Variants in INSL6 observed in about 807,000 individuals in gnomAD.
INSL6 encodes the protein insulin like 6.
In INSL6, 16 loss-of-function variants were observed where a neutral mutation model predicts 9.4. That is an observed-to-expected ratio of 1.70 (90% CI 1.15 to 2.59). INSL6 has a LOEUF of 2.59. Among genes scored for constraint, INSL6 ranks in the 30% most tolerant of loss-of-function variants. The pLI is 0.00. For missense variants in INSL6, 391 were observed against 257.3 expected, an observed-to-expected ratio of 1.52 and a Z score of -3.56; for synonymous variants, 154 against 96.9, an observed-to-expected ratio of 1.59 and a Z score of -3.46.
chr9:5,038,306 T>C, the INSL6 span, among the ~76,000 whole-genome samples: 1 of 152,174 alleles, frequency 6.6e-6, no homozygotes, highest in African/African-American at 2.4e-5. Context: ...TAGCAATTTT[T>C]ATAAAAGCCC....
chr9:5,146,474 T>C (rs1232659628), intron 2 of INSL6, among the ~76,000 whole-genome samples: 1 of 152,000 alleles, frequency 6.6e-6, no homozygotes, highest in Non-Finnish European at 1.5e-5. Context: ...GGAAGTAGTG[T>C]TGGTTTGGGG....
At chr9:5,038,998 G>A in the INSL6 span, among the ~76,000 whole-genome samples, 3 of 152,036 alleles carry the variant, frequency 2.0e-5, no homozygotes, top group Non-Finnish European at 4.4e-5. Flanking sequence ...GAATGGCAAG[G>A]AACTTCCTCA....
the INSL6 span, among the ~76,000 whole-genome samples, chr9:5,042,987 G>A: frequency 0.28 from 41,994 of 152,116 alleles, 6,314 homozygotes; most frequent in African/African-American, 0.39. Context: ...AGAAGCTGAG[G>A]GGGGTGGGCC....
chr9:5,123,453 C>A (rs1283470281), downstream of INSL6, among the ~76,000 whole-genome samples: 1 of 151,920 alleles, frequency 6.6e-6, no homozygotes, highest in East Asian at 1.9e-4. Context: ...TAATTACCTC[C>A]ATCCATGTTG....
intron 2 of INSL6, among the ~76,000 whole-genome samples, chr9:5,138,737 A>AAT (rs1554688845): frequency 2.6e-5 from 4 of 151,670 alleles, no homozygotes; most frequent in African/African-American, 9.7e-5. Context: ...TAATAAAAAA[A>AAT]AATAATAAAA....
intron 1 of INSL6, among the ~76,000 whole-genome samples, chr9:5,179,959 G>A (rs371194703): frequency 2.6e-5 from 4 of 152,156 alleles, no homozygotes; most frequent in African/African-American, 9.7e-5. Context: ...ATTTATCTAT[G>A]TAACAAACCT....
the INSL6 span, among the ~76,000 whole-genome samples, chr9:5,019,072 GCTT>G: frequency 6.6e-6 from 1 of 152,088 alleles, no homozygotes; most frequent in African/African-American, 2.4e-5. Context: ...GGATCTCTGA[GCTT>G]CTGTATCTGA....
the INSL6 span, among the ~76,000 whole-genome samples, chr9:5,028,298 G>A: frequency 7.9e-5 from 12 of 152,184 alleles, no homozygotes; most frequent in African/African-American, 2.2e-4. Context: ...ACTTGGACAG[G>A]AATCTTTTTT....
At chr9:5,184,519 C>G (rs562367832) in intron 1 of INSL6, among the ~76,000 whole-genome samples, 1 of 152,146 alleles carries the variant, frequency 6.6e-6, no homozygotes, top group African/African-American at 2.4e-5. Flanking sequence ...TAAACACATG[C>G]GATGTGCTAG....
intron 2 of INSL6, among the ~76,000 whole-genome samples, chr9:5,147,432 C>A: frequency 6.6e-6 from 1 of 152,180 alleles, no homozygotes; most frequent in Non-Finnish European, 1.5e-5. Context: ...TGGCAGAGAA[C>A]TTTCAGTTGC....
the INSL6 span, among the ~76,000 whole-genome samples, chr9:5,048,213 C>T: frequency 0.24 from 35,912 of 151,890 alleles, 4,620 homozygotes; most frequent in South Asian, 0.31. Context: ...GTGATCTCGG[C>T]TCACTGCAAC....
chr9:5,057,628 G>C, the INSL6 span, among the ~76,000 whole-genome samples: 6 of 144,200 alleles, frequency 4.2e-5, no homozygotes, highest in African/African-American at 1.6e-4. Flanking sequence ...TGTCATCCAG[G>C]CTGGAGCACA....
At chr9:5,051,847 T>C in the INSL6 span, among the ~76,000 whole-genome samples, 1 of 152,160 alleles carries the variant, frequency 6.6e-6, no homozygotes, top group African/African-American at 2.4e-5. Flanking sequence ...TGTATTTCTC[T>C]CTTTGGTTTT....
the INSL6 span, among the ~76,000 whole-genome samples, chr9:5,095,442 G>GTA: frequency 6.6e-6 from 1 of 152,064 alleles, no homozygotes; most frequent in Non-Finnish European, 1.5e-5. Context: ...TTCTCATGAT[G>GTA]GGTATCCTTT....
the INSL6 span, among the ~76,000 whole-genome samples, chr9:5,010,135 T>A: frequency 6.6e-6 from 1 of 152,208 alleles, no homozygotes. Flanking sequence ...CTACTTTTGA[T>A]CTTCCTGGAA....
the INSL6 span, among the ~76,000 whole-genome samples, chr9:5,046,063 A>G: frequency 6.6e-6 from 1 of 152,166 alleles, no homozygotes; most frequent in Non-Finnish European, 1.5e-5. Context: ...TTGTTTGATA[A>G]TAGCCATCTC....
chr9:5,151,672 T>C (rs775697914), intron 2 of INSL6, among the ~76,000 whole-genome samples: 5 of 151,644 alleles, frequency 3.3e-5, no homozygotes, highest in South Asian at 2.1e-4. Flanking sequence ...AAATAACCAA[T>C]AGGAGAAACA....
At chr9:5,162,217 A>T (rs1020075108), downstream of INSL6, among the ~76,000 whole-genome samples, 1 of 152,174 alleles carries the variant, frequency 6.6e-6, no homozygotes, top group African/African-American at 2.4e-5. Flanking sequence ...ATATCAAGGT[A>T]TCTCAGATTT....
the INSL6 span, among the ~76,000 whole-genome samples, chr9:4,995,190 A>C: frequency 3.3e-5 from 5 of 152,178 alleles, no homozygotes; most frequent in Admixed American, 2.0e-4. Flanking sequence ...GGAACTCTTC[A>C]CTCATATCTT....
Sources: gnomAD v4.1 joint callset for allele counts (sites outside exome capture counted in the v4.1 genomes callset) on GRCh38, gnomAD v4.1.1 for gene constraint, MANE v1.5 for transcripts, NCBI Gene and HGNC (gene_info 2026-07-23, HGNC 2026-07-21) for gene names.